The following GGH variants were observed in gnomAD, a reference collection of about 807,000 sequenced individuals.
GGH encodes the protein gamma-Glu-X carboxypeptidase.
GGH carries 18 observed loss-of-function variants against 39.2 expected under a neutral mutation model. The ratio of observed to expected loss-of-function variants is 0.46; its 90% confidence interval spans 0.32 to 0.68. The LOEUF (loss-of-function observed/expected upper bound fraction) is 0.68, where lower values mean the gene tolerates loss of function less well. Ranked by LOEUF, GGH falls within the 30% of genes least tolerant of loss-of-function variation. GGH has a pLI of 0.04. For missense variants in GGH, 367 were observed against 384.1 expected, an observed-to-expected ratio of 0.96 and a Z score of 0.37; for synonymous variants, 147 against 138.8, an observed-to-expected ratio of 1.06 and a Z score of -0.42.
rs1050149110 is a variant in GGH at position 63,022,744 on chromosome 8, T to G, written c.697+1163A>C. On this transcript the variant is annotated intron_variant, in intron 7 of 8. Coordinates refer to ENST00000260118, the MANE Select transcript of GGH (RefSeq NM_003878.3). ...GGTTTCACCATGTTGGCCAGGCTGGTCTTGAACTTCTGACCTCAGGTGATC... is the reference window on the plus strand; with the variant it reads ...GGTTTCACCATGTTGGCCAGGCTGGGCTTGAACTTCTGACCTCAGGTGATC... 1.1e-3 allele frequency among the ~76,000 whole-genome samples: 163 copies of G among 151,792 alleles called. 5 individuals are homozygous for G. The highest frequency in any genetic ancestry group is 4.7e-4 in the Non-Finnish European group (32 of 67,894).
rs17279558 is a variant in GGH, at chr8:63,015,187, T to A, written c.*145A>T. The A allele has an allele frequency of 1.3e-5, 6 of 456,166 alleles. No individual in the cohort carries two copies. The highest frequency in any genetic ancestry group is 2.3e-5 in the Non-Finnish European group (6 of 261,106). The allele number at this position is 456,166 out of a possible 1,614,324, so 28.3% of individuals were successfully genotyped here. A position where few individuals can be genotyped will look rare whatever the true frequency, so the allele number is the denominator to read the frequency against. On this transcript the variant is annotated 3_prime_UTR_variant, in exon 9 of 9. Coordinates refer to ENST00000260118, the MANE Select transcript of GGH (RefSeq NM_003878.3). ...ATTTAATTATCTAATGTTATATAAA[T>A]AGTCACATACAGAATGAAGAATCAG...
intron 7 of GGH, 97 bp downstream of exon 7, chr8:63,023,810 G>GCCC: frequency 1.1e-6 from 1 of 923,024 alleles, no homozygotes; most frequent in South Asian, 3.3e-5. Context: ...CCCTCTTCAA[G>GCCC]CCCCAAAGTA....
chr8:63,022,332 C>T (rs74656242), intron 7 of GGH, among the ~76,000 whole-genome samples: 4,088 of 151,870 alleles, frequency 0.027, 83 homozygotes, highest in Non-Finnish European at 0.043. Context: ...CCTACTTTTT[C>T]CCATTCCTTC....
chr8:63,026,975 C>T (rs1437117901), intron 4 of GGH: 1 of 573,160 alleles, frequency 1.7e-6, no homozygotes, highest in East Asian at 3.1e-5. Context: ...GTCAGCAGTG[C>T]TCTGAAGGGT....
intron 2 of GGH, among the ~76,000 whole-genome samples, chr8:63,033,073 A>AT (rs1213077804): frequency 2.0e-5 from 3 of 152,140 alleles, no homozygotes; most frequent in African/African-American, 7.2e-5. Context: ...ATTTTGTTTT[A>AT]TTTTTTTAAA....
intron 7 of GGH, among the ~76,000 whole-genome samples, chr8:63,020,060 A>G (rs1165255281): frequency 6.6e-6 from 1 of 152,182 alleles, no homozygotes; most frequent in African/African-American, 2.4e-5. Context: ...TTATTTTTAT[A>G]TTTTAATTCC....
At position 63,038,771 on chromosome 8, in the gene GGH, C is replaced by A. The variant is rs946336252; in HGVS notation, c.-3G>T. The A allele has an allele frequency of 2.6e-6, 4 of 1,516,394 alleles. No individual in the cohort carries two copies. Among genetic ancestry groups the A allele is most frequent in the Non-Finnish European group, 2.6e-6 (3 of 1,132,438 alleles). The allele number at this position is 1,516,394 out of a possible 1,614,324, so 93.9% of individuals were successfully genotyped here. A position where few individuals can be genotyped will look rare whatever the true frequency, so the allele number is the denominator to read the frequency against. On this transcript the variant is annotated 5_prime_UTR_variant, in exon 1 of 9. Transcript: ENST00000260118. ...AGCAGGCAGCCCGGACTGGCCATGG[C>A]GCTCGCCGCCTCCCGCCGCCTTTCA...
chr8:63,032,355 C>T (rs1402758820), intron 2 of GGH, among the ~76,000 whole-genome samples: 1 of 152,142 alleles, frequency 6.6e-6, no homozygotes, highest in Non-Finnish European at 1.5e-5. Flanking sequence ...TTTTAAAACG[C>T]TGTGTGAACA....
intron 1 of GGH, 51 bp downstream of exon 1, chr8:63,038,609 G>A: frequency 3.6e-6 from 3 of 842,362 alleles, no homozygotes; most frequent in East Asian, 3.8e-5. Context: ...GGCGCCCAGC[G>A]CCAACACCCA....
In GGH at chr8:63,015,408, T is replaced by G; in HGVS notation, c.881A>C (p.Lys294Thr). ...HHFKSESEEEKALIYQFSPIY... is the reference protein window; with the variant it reads ...HHFKSESEEETALIYQFSPIY... ...TGGACTGAACTGATAAATCAATGCT[T>G]TCTCCTCTTCAGATTCAGATTTAAA... is the stretch of plus-strand genomic sequence containing the variant. The change falls in exon 9 of 9, where the codon AAA becomes ACA. Residue 294 changes from lysine (K) to threonine (T), a missense_variant. Physicochemically the swap from Lys to Thr is moderately conservative, Grantham distance 78. Transcript: ENST00000260118. 1 of 1,488,746 alleles carries G rather than the reference T, an allele frequency of 6.7e-7. No individual in the cohort carries two copies. The highest frequency in any genetic ancestry group is 9.3e-7 in the Non-Finnish European group (1 of 1,078,622). 92.2% of individuals were successfully genotyped at this position (1,488,746 alleles called of 1,614,324 possible). A position where few individuals can be genotyped will look rare whatever the true frequency, so the allele number is the denominator to read the frequency against.
chr8:63,024,165 A>T lies in GGH; in HGVS notation c.521T>A (p.Phe174Tyr). 1 of 1,605,074 alleles carries T rather than the reference A, an allele frequency of 6.2e-7. No individual in the cohort carries two copies. The highest frequency in any genetic ancestry group is 8.5e-7 in the Non-Finnish European group (1 of 1,172,114). ...CAACAACTCAGTAGGAAAATTCTGGAACATTCTGCTGTGCAATTGACCTGA... is the reference window on the plus strand; with the variant it reads ...CAACAACTCAGTAGGAAAATTCTGGTACATTCTGCTGTGCAATTGACCTGA... ...FTGGQLHSRMFQNFPTELLLS... is the reference protein window; with the variant it reads ...FTGGQLHSRMYQNFPTELLLS... The change falls in exon 6 of 9, where the codon TTC becomes TAC. Residue 174 changes from phenylalanine to tyrosine, a missense_variant. Phe to Tyr is a conservative substitution (Grantham distance 22). Coordinates refer to ENST00000260118, the MANE Select transcript of GGH (RefSeq NM_003878.3).
intron 5 of GGH, 126 bp downstream of exon 5, chr8:63,026,032 A>G: frequency 1.4e-6 from 1 of 700,590 alleles, no homozygotes; most frequent in Non-Finnish European, 2.4e-6. Context: ...CTAATGTCAT[A>G]AGCATTTTTT....
chr8:63,025,218 A>C (rs1804662516), intron 5 of GGH: 1 of 152,214 alleles, frequency 6.6e-6, no homozygotes, highest in African/African-American at 2.4e-5. Context: ...CTAATGTGGT[A>C]ATTCAAGGTG....
In GGH at chr8:63,037,328, C is replaced by T. The variant is rs138633327; in HGVS notation, c.109+1332G>A. Among the ~76,000 whole-genome samples the T allele has an allele frequency of 5.3e-5, 8 of 152,116 alleles. No individual in the cohort carries two copies. In the East Asian group the frequency reaches 1.4e-3, roughly 26 times the overall value. On this transcript the variant is annotated intron_variant, in intron 1 of 8. Transcript: ENST00000260118. ...GTACAGGGTACATGGGGTGAGGTAC[C>T]ACAAAGGAGACATGGGGCATCATGG...
At chr8:63,019,384 T>C (rs1004342456) in intron 7 of GGH, among the ~76,000 whole-genome samples, 4 of 152,184 alleles carry the variant, frequency 2.6e-5, no homozygotes, top group Non-Finnish European at 5.9e-5. Context: ...GACAAAACCA[T>C]TGCACACAGA....
chr8:63,031,010 T>G (rs1224343343), intron 2 of GGH, among the ~76,000 whole-genome samples: 1 of 152,176 alleles, frequency 6.6e-6, no homozygotes, highest in African/African-American at 2.4e-5. Context: ...GTTAGTGAAA[T>G]CCTTGCAAGA....
rs780549916 is a variant in GGH at position 63,030,155 on chromosome 8, C to CT, written c.275+11dup. ...ACTCATATACCGTATGAAACCAATG[C>CT]TGCCAACTTACCCATTAATAGATTT... On this transcript the variant is annotated intron_variant, in intron 3 of 8. Coordinates refer to ENST00000260118, the MANE Select transcript of GGH (RefSeq NM_003878.3). The CT allele has an allele frequency of 7.9e-7, 1 of 1,263,592 alleles. No homozygotes were observed. The highest frequency in any genetic ancestry group is 1.2e-6 in the Non-Finnish European group (1 of 861,544). The allele number at this position is 1,263,592 out of a possible 1,614,324, so 78.3% of individuals were successfully genotyped here. A position where few individuals can be genotyped will look rare whatever the true frequency, so the allele number is the denominator to read the frequency against.
In GGH at chr8:63,015,101, T is replaced by G. The variant is rs1177731046; in HGVS notation, c.*231A>C. The G allele has an allele frequency of 1.7e-5, 5 of 297,234 alleles. No homozygotes were observed. The East Asian group carries it at 2.8e-4, about 17-fold the overall frequency. The allele number at this position is 297,234 out of a possible 1,614,324, so 18.4% of individuals were successfully genotyped here. A position where few individuals can be genotyped will look rare whatever the true frequency, so the allele number is the denominator to read the frequency against. On this transcript the variant is annotated 3_prime_UTR_variant, in exon 9 of 9. Coordinates refer to ENST00000260118, the MANE Select transcript of GGH (RefSeq NM_003878.3). ...ATATTTGTATTTCAGTAAATTTATT[T>G]TTTTCAATCTTCAGATATAAGAAGG...
Position 63,035,790 on chromosome 8 carries a change from T to C in GGH, c.110-20A>G, listed in dbSNP as rs775923482. 6.3e-7 allele frequency: 1 copy of C among 1,585,800 alleles called. No homozygotes were observed. Among genetic ancestry groups the C allele is most frequent in the Non-Finnish European group, 8.6e-7 (1 of 1,163,582 alleles). On this transcript the variant is annotated intron_variant, in intron 1 of 8. Transcript: ENST00000260118. ...ATATTCCTAATAACAAAAAAAAGTT[T>C]AGTTTCAAGCAAATTCCTTTTCTTC...
Sources: allele counts gnomAD v4.1 joint callset (sites outside exome capture counted in the v4.1 genomes callset), GRCh38; gene constraint gnomAD v4.1.1; transcripts MANE v1.5; gene names NCBI Gene and HGNC (gene_info 2026-07-23, HGNC 2026-07-21).